ME3: variants seen among roughly 807,000 people sequenced by gnomAD.
The protein encoded by ME3 is NADP-dependent malic enzyme, mitochondrial.
Under a neutral mutation model 68.9 loss-of-function variants are expected in ME3, and 48 were observed. The observed-to-expected ratio is 0.70, with a 90% CI of 0.55 to 0.89. The LOEUF is 0.89. ME3 is among the 40% of genes least tolerant of loss of function. The pLI is 0.00. For synonymous variants in ME3, 320 were observed against 318.8 expected (o/e 1.00, Z -0.04); for missense variants, 675 against 797.4 (o/e 0.85, Z 1.85).
chr11:86,612,704 A>G (rs1406294588), intron 2 of ME3, among the ~76,000 whole-genome samples: 1 of 152,160 alleles, frequency 6.6e-6, no homozygotes, highest in African/African-American at 2.4e-5. Context: ...GGCCATGTAA[A>G]TGTCTTCTTT....
chr11:86,465,076 G>A lies in ME3; in HGVS notation c.919+15C>T, dbSNP rs1352346195. On this transcript the variant is annotated intron_variant, in intron 8 of 14. Coordinates refer to ENST00000543262, the Ensembl canonical transcript of ME3. ...TTAGTCCCCTGTAGCTTCATCAGGT[G>A]GGGTGGAAACCTACCTTGGATGTCA... is the stretch of plus-strand genomic sequence containing the variant. 2.5e-6 allele frequency: 4 copies of A among 1,580,822 alleles called. No individual in the cohort carries two copies. Among genetic ancestry groups the A allele is most frequent in the South Asian group, 1.1e-5 (1 of 90,322 alleles).
intron 11 of ME3, 97 bp downstream of exon 11, chr11:86,448,053 A>G (rs1949420898): frequency 3.7e-6 from 3 of 801,486 alleles, no homozygotes; most frequent in Admixed American, 2.3e-5. Flanking sequence ...AGCTGTTTCC[A>G]TGGGTTACTT....
chr11:86,512,383 C>A (rs1239748639), intron 4 of ME3, among the ~76,000 whole-genome samples: 1 of 152,218 alleles, frequency 6.6e-6, no homozygotes, highest in African/African-American at 2.4e-5. Context: ...CCTCATTAGA[C>A]TGTGAACTTC....
chr11:86,603,862 G>T (rs1362736251), intron 2 of ME3, among the ~76,000 whole-genome samples: 2 of 145,494 alleles, frequency 1.4e-5, no homozygotes, highest in African/African-American at 5.1e-5. Context: ...ACCAAGCACC[G>T]CATGTTCTCA....
At chr11:86,604,474 A>G (rs1961310110) in intron 2 of ME3, among the ~76,000 whole-genome samples, 1 of 152,186 alleles carries the variant, frequency 6.6e-6, no homozygotes, top group South Asian at 2.1e-4. Context: ...GATTCCCTCC[A>G]TCCATATAAC....
Position 86,471,927 on chromosome 11 carries a change from A to G in ME3, c.810-6727T>C, listed in dbSNP as rs756241141. Among the ~76,000 whole-genome samples the G allele has an allele frequency of 1.2e-4, 18 of 152,212 alleles. 1 individual carries two copies. The highest frequency in any genetic ancestry group is 2.6e-4 in the Admixed American group (4 of 15,276). ...ACAGGAAAATAAAAAAACAGTTGCA[A>G]TACTCTGTGGCATCAGTAATAATAA... On this transcript the variant is annotated intron_variant, in intron 7 of 14. Transcript: ENST00000543262.
intron 8 of ME3, among the ~76,000 whole-genome samples, chr11:86,458,546 T>C (rs987010704): frequency 5.3e-5 from 8 of 150,106 alleles, no homozygotes; most frequent in Admixed American, 4.0e-4. Flanking sequence ...AGGAGCCAGA[T>C]ACATGAGATC....
chr11:86,519,693 A>G (rs780552611), intron 4 of ME3, among the ~76,000 whole-genome samples: 7 of 152,228 alleles, frequency 4.6e-5, no homozygotes, highest in African/African-American at 9.6e-5. Flanking sequence ...GAGAACCTGC[A>G]AGATGCTATT....
Position 86,487,335 on chromosome 11 carries a change from A to C in ME3, c.809+2T>G. On this transcript the variant is annotated splice_donor_variant, in intron 7 of 14. Transcript: ENST00000543262. LOFTEE classifies it high-confidence loss of function. ...TCAAAAGGGACAGACTGGTCCACTT[A>C]CTTGTCTGTCACAGCCTGCATGAAC... 3 of 1,613,172 alleles carry C rather than the reference A, an allele frequency of 1.9e-6. No individual in the cohort carries two copies. The highest frequency in any genetic ancestry group is 2.5e-6 in the Non-Finnish European group (3 of 1,179,110).
intron 5 of ME3, 133 bp from the exon 6 acceptor site, chr11:86,498,257 G>T: frequency 9.6e-7 from 1 of 1,041,294 alleles, no homozygotes; most frequent in Non-Finnish European, 1.3e-6. Context: ...AGCTTGTCTG[G>T]GATAAGGCCG....
the ME3 span, chr11:86,435,275 G>A: frequency 6.6e-6 from 1 of 151,946 alleles, no homozygotes; most frequent in Non-Finnish European, 1.5e-5. Context: ...CTTCTAAATA[G>A]GATATAGTAG....
At chr11:86,671,784 G>A in exon 2 of ME3, 1 of 1,604,120 alleles carries the variant, frequency 6.2e-7, no homozygotes, top group South Asian at 1.1e-5. Flanking sequence ...AGGGTTCCTG[G>A]TGACATCGTA....
At chr11:86,663,723 G>C (rs1469775615) in intron 2 of ME3, among the ~76,000 whole-genome samples, 1 of 152,124 alleles carries the variant, frequency 6.6e-6, no homozygotes, top group Non-Finnish European at 1.5e-5. Flanking sequence ...GAAACCTTTG[G>C]TAGAAATGAC....
chr11:86,447,159 A>G (rs368631552), exon 12 of ME3: 3 of 1,614,072 alleles, frequency 1.9e-6, no homozygotes, highest in African/African-American at 1.3e-5. Flanking sequence ...GAAGGAGGCC[A>G]TGTCCCTCAG....
chr11:86,661,874 ATTGTATTGTATTG>A (rs1946306637), intron 2 of ME3, among the ~76,000 whole-genome samples: 1 of 95,342 alleles, frequency 1.0e-5, no homozygotes, highest in Non-Finnish European at 2.3e-5. Context: ...ATTGTATTGT[ATTGTATTGTATTG>A]ACCACGGTGT....
chr11:86,484,963 G>A (rs1951604901), intron 7 of ME3, among the ~76,000 whole-genome samples: 1 of 152,162 alleles, frequency 6.6e-6, no homozygotes, highest in Non-Finnish European at 1.5e-5. Flanking sequence ...GAATACTGGG[G>A]TGGGAAGGCA....
intron 2 of ME3, among the ~76,000 whole-genome samples, chr11:86,647,513 T>C (rs1400460191): frequency 6.7e-6 from 1 of 149,812 alleles, no homozygotes; most frequent in Non-Finnish European, 1.5e-5. Flanking sequence ...AAGACCCATC[T>C]CACATGCAAA....
At position 86,487,320 on chromosome 11, in the gene ME3, C is replaced by T. The variant is rs751565390; in HGVS notation, c.809+17G>A. The T allele has an allele frequency of 6.2e-7, 1 of 1,606,446 alleles. No homozygotes were observed. The highest frequency in any genetic ancestry group is 1.3e-5 in the African/African-American group (1 of 74,868). ...CTTAAAAGTCCTCTTTCAAAAGGGA[C>T]AGACTGGTCCACTTACTTGTCTGTC... On this transcript the variant is annotated intron_variant, in intron 7 of 14. Coordinates refer to ENST00000543262, the Ensembl canonical transcript of ME3.
chr11:86,446,375 A>G (rs1565787789), exon 13 of ME3: 1 of 1,614,076 alleles, frequency 6.2e-7, no homozygotes, highest in Non-Finnish European at 8.5e-7. Flanking sequence ...GATGACTCCC[A>G]GTGCCACCCC....
Sources: gnomAD v4.1 joint callset for allele counts (sites outside exome capture counted in the v4.1 genomes callset) on GRCh38, gnomAD v4.1.1 for gene constraint, MANE v1.5 for transcripts, NCBI Gene and HGNC (gene_info 2026-07-23, HGNC 2026-07-21) for gene names.